MRPL28: variants seen among roughly 807,000 people sequenced by gnomAD.
The protein encoded by MRPL28 is mitochondrial ribosomal protein L28, also known as large ribosomal subunit protein bL28m.
MRPL28 carries 25 observed loss-of-function variants against 26.2 expected under a neutral mutation model. The ratio of observed to expected loss-of-function variants is 0.95; its 90% CI spans 0.69 to 1.33. The LOEUF (loss-of-function observed/expected upper bound fraction) is 1.33, where lower values mean the gene tolerates loss of function less well. Ranked by LOEUF, MRPL28 falls within the 40% of genes most tolerant of loss-of-function variation. MRPL28 has a pLI of 0.00. For missense variants in MRPL28, 432 were observed against 327.2 expected, an observed-to-expected ratio of 1.32 and a Z score of -2.47; for synonymous variants, 227 against 140.1, an observed-to-expected ratio of 1.62 and a Z score of -4.38.
Position 369,993 on chromosome 16 carries a change from G to A in MRPL28, c.226C>T (p.Gln76Ter), listed in dbSNP as rs752695970. The A allele has an allele frequency of 1.2e-6, 2 of 1,612,996 alleles. No homozygotes were observed. Among genetic ancestry groups the A allele is most frequent in the South Asian group, 1.1e-5 (1 of 91,094 alleles). Residue 76 changes from glutamine to a stop codon, truncating the protein, a stop_gained, in exon 2 of 6, where the codon CAG (glutamine) becomes TAG (stop). Transcript: ENST00000199706. LOFTEE classifies it high-confidence loss of function. Reference protein sequence around the residue: ...PIPIYFPPESQRGLWGGEGWI... With the variant: ...PIPIYFPPES ...CCCTCGCCGCCCCACAACCCCCGCT[G>A]GGATTCGGGGGGAAAGTAGATGGGA...
In MRPL28 at chr16:367,422, G is replaced by T. The variant is rs776611731; in HGVS notation, c.*253C>A. On this transcript the variant is annotated 3_prime_UTR_variant, in exon 6 of 6. Coordinates refer to ENST00000199706, the MANE Select transcript of MRPL28 (RefSeq NM_006428.5). ...CCTGGCCCAGACTTTACTCGCTCCC[G>T]GCCCCACGGGCACAAGGAACACTGC... is the stretch of plus-strand genomic sequence containing the variant. 5.6e-6 allele frequency: 4 copies of T among 712,624 alleles called. No individual in the cohort carries two copies. Among genetic ancestry groups the T allele is most frequent in the Admixed American group, 4.0e-5 (2 of 49,772 alleles). The allele number at this position is 712,624 out of a possible 1,614,324, so 44.1% of individuals were successfully genotyped here.
intron 2 of MRPL28, chr16:369,715 C>G: frequency 1.3e-6 from 1 of 757,076 alleles, no homozygotes; most frequent in South Asian, 1.5e-5. Flanking sequence ...TGGTTGCTCC[C>G]CCGGCCTGAG....
chr16:368,260 C>T, intron 5 of MRPL28, 68 bp downstream of exon 5: 10 of 1,559,640 alleles, frequency 6.4e-6, no homozygotes, highest in African/African-American at 1.4e-5. Flanking sequence ...CTCTCCAAGG[C>T]AGCACACTCC....
In MRPL28 at chr16:368,457, G is replaced by A. The variant is rs755213796; in HGVS notation, c.577-43C>T. ...GAAAGGGCAGTGAGGCCCAGGGCCGGGCCACGAGTCCCCAGGTGTAGGGAG... is the reference window on the plus strand; with the variant it reads ...GAAAGGGCAGTGAGGCCCAGGGCCGAGCCACGAGTCCCCAGGTGTAGGGAG... On this transcript the variant is annotated intron_variant, in intron 4 of 5. Transcript: ENST00000199706. 6 of 1,613,152 alleles carry A rather than the reference G, an allele frequency of 3.7e-6. No individual in the cohort carries two copies. The African/African-American group carries it at 4.0e-5, about 11-fold the overall frequency.
rs567105284 is a variant in MRPL28 at position 369,943 on chromosome 16, G to A, written c.276C>T (p.Ala92=). 2.9e-5 allele frequency: 46 copies of A among 1,610,486 alleles called. No homozygotes were observed. In the South Asian group the frequency reaches 4.4e-4, roughly 15 times the overall value. ...CCTGCGGACCCACCTTGTCGTTGTT[G>A]GCATATATTTGGCCCAGGATCCAGC... ...GEGWILGQIY[A]NNDKLSKRLK... Residue 92 remains alanine (A), a synonymous_variant, in exon 2 of 6, where the codon GCC becomes GCT. Transcript: ENST00000199706.
chr16:367,217 G>GA lies in MRPL28; in HGVS notation c.*457dup, dbSNP rs1283087737. On this transcript the variant is annotated 3_prime_UTR_variant, in exon 6 of 6. Coordinates refer to ENST00000199706, the MANE Select transcript of MRPL28 (RefSeq NM_006428.5). ...AAGACTCCGTCTCAAAAAAAGAAAA[G>GA]AAAAAAAAACACAAAACACAGAATT... is the stretch of plus-strand genomic sequence containing the variant. 1.9e-4 allele frequency among the ~76,000 whole-genome samples: 28 copies of GA among 151,146 alleles called. 1 individual carries two copies. Among genetic ancestry groups the GA allele is most frequent in the East Asian group, 1.6e-3 (8 of 5,148 alleles).
intron 2 of MRPL28, 94 bp downstream of exon 2, chr16:369,837 C>T (rs1395261216): frequency 6.8e-7 from 1 of 1,464,174 alleles, no homozygotes; most frequent in Non-Finnish European, 9.2e-7. Flanking sequence ...TCCCCAGGGC[C>T]CACCCAGGTC....
intron 1 of MRPL28, 113 bp from the exon 2 acceptor site, chr16:370,338 G>GCTACCCCGGCCCCCGGCTCTCACCCC (rs2054314833): frequency 1.3e-5 from 1 of 78,910 alleles, no homozygotes; most frequent in Non-Finnish European, 2.1e-5. Flanking sequence ...GCTCTCACCC[G>GCTACCCCGGCCCCCGGCTCTCACCCC]CTACCCCGGC....
chr16:369,544 G>C, intron 2 of MRPL28: 1 of 608,416 alleles, frequency 1.6e-6, no homozygotes, highest in Non-Finnish European at 3.1e-6. Flanking sequence ...GGTGACACAA[G>C]TCTCCCCACA....
intron 2 of MRPL28, 87 bp from the exon 3 acceptor site, chr16:369,307 CG>C: frequency 1.3e-6 from 2 of 1,508,374 alleles, no homozygotes; most frequent in Non-Finnish European, 1.8e-6. Flanking sequence ...ACCTCCCCCC[CG>C]GAGGCTCCAT....
At chr16:368,852 C>A (rs1292782103) in intron 3 of MRPL28, 3 of 988,084 alleles carry the variant, frequency 3.0e-6, no homozygotes, top group African/African-American at 1.7e-5. Flanking sequence ...TCAGGCCCCA[C>A]GGGCAAGTCA....
rs755620611 is a variant in MRPL28 at position 369,209 on chromosome 16, C to T, written c.300G>A (p.Arg100=). ...GCTGTGGCTTCCACACTTTCTTCAGCCTCTTGGAGAGCTGAGGGTGCAACA... is the reference window on the plus strand; with the variant it reads ...GCTGTGGCTTCCACACTTTCTTCAGTCTCTTGGAGAGCTGAGGGTGCAACA... ...IYANNDKLSK[R]LKKVWKPQLF... The change falls in exon 3 of 6, where the codon AGG becomes AGA. Residue 100 remains arginine, a synonymous_variant. Coordinates refer to ENST00000199706, the MANE Select transcript of MRPL28 (RefSeq NM_006428.5). 4 of 1,613,914 alleles carry T rather than the reference C, an allele frequency of 2.5e-6. No homozygotes were observed. The highest frequency in any genetic ancestry group is 4.5e-5 in the East Asian group (2 of 44,880).
intron 5 of MRPL28, 103 bp from the exon 6 acceptor site, chr16:367,885 G>C (rs2054275030): frequency 1.0e-6 from 1 of 972,588 alleles, no homozygotes; most frequent in African/African-American, 1.6e-5. Context: ...ACCGGGGCAT[G>C]AGAGGCCCTG....
At position 367,429 on chromosome 16, in the gene MRPL28, C is replaced by A. The variant is rs761061828; in HGVS notation, c.*246G>T. On this transcript the variant is annotated 3_prime_UTR_variant, in exon 6 of 6. Coordinates refer to ENST00000199706, the MANE Select transcript of MRPL28 (RefSeq NM_006428.5). The stretch of plus-strand genomic sequence containing the variant: ...CAGACTTTACTCGCTCCCGGCCCCA[C>A]GGGCACAAGGAACACTGCCGCAAAC... 6 of 713,300 alleles carry A rather than the reference C, an allele frequency of 8.4e-6. No individual in the cohort carries two copies. Among genetic ancestry groups the A allele is most frequent in the East Asian group, 8.1e-5 (3 of 37,186 alleles). The allele number at this position is 713,300 out of a possible 1,614,324, so 44.2% of individuals were successfully genotyped here. A position where few individuals can be genotyped will look rare whatever the true frequency, so the allele number is the denominator to read the frequency against.
At chr16:368,462 C>T (rs11640313) in intron 4 of MRPL28, 39 bp downstream of exon 4, 101 of 1,612,800 alleles carry the variant, frequency 6.3e-5, no homozygotes, top group Non-Finnish European at 8.1e-5. Context: ...GGCCGGGCCA[C>T]GAGTCCCCAG....
intron 2 of MRPL28, 67 bp from the exon 3 acceptor site, chr16:369,287 A>G (rs1656201172): frequency 1.5e-6 from 2 of 1,308,386 alleles, no homozygotes; most frequent in African/African-American, 1.5e-5. Context: ...GGGCCCAGGC[A>G]ACTGCCCTCA....
intron 2 of MRPL28, 92 bp downstream of exon 2, chr16:369,839 A>G: frequency 6.7e-7 from 1 of 1,482,078 alleles, no homozygotes; most frequent in Non-Finnish European, 9.1e-7. Context: ...CCCAGGGCCC[A>G]CCCAGGTCTC....
intron 1 of MRPL28, 135 bp from the exon 2 acceptor site, chr16:370,360 A>ACC (rs2054315297): frequency 1.6e-6 from 2 of 1,277,730 alleles, no homozygotes; most frequent in Admixed American, 3.6e-5. Flanking sequence ...CCCGGCTCTC[A>ACC]CCCGCTACCC....
Position 369,923 on chromosome 16 carries a change from G to C in MRPL28, c.288+8C>G, listed in dbSNP as rs73492331. ...AGAGGAGCCCCTGAAGGCCGCCTGC[G>C]GACCCACCTTGTCGTTGTTGGCATA... On this transcript the variant is annotated splice_region_variant and intron_variant, in intron 2 of 5. Coordinates refer to ENST00000199706, the MANE Select transcript of MRPL28 (RefSeq NM_006428.5). 166,467 of 1,604,678 alleles carry C rather than the reference G, an allele frequency of 0.1. 9,880 individuals carry two copies. Among genetic ancestry groups the C allele is most frequent in the African/African-American group, 0.24 (18,019 of 74,888 alleles).
Sources: allele counts gnomAD v4.1 joint callset (sites outside exome capture counted in the v4.1 genomes callset), GRCh38; gene constraint gnomAD v4.1.1; transcripts MANE v1.5; gene names NCBI Gene and HGNC (gene_info 2026-07-23, HGNC 2026-07-21).